DIAPH3: variants seen among roughly 807,000 people sequenced by gnomAD.
DIAPH3 encodes protein diaphanous homolog 3.
In DIAPH3, 117 loss-of-function variants were observed where a neutral mutation model predicts 144.3. That is an observed-to-expected ratio of 0.81 (90% CI 0.70 to 0.95). The LOEUF is 0.95. Ranked by LOEUF, DIAPH3 falls within the 40% of genes least tolerant of loss-of-function variation. The pLI is 0.00. For missense variants in DIAPH3, 1,421 were observed against 1,412.7 expected (o/e 1.01, Z -0.09); for synonymous variants, 519 against 488.9 (o/e 1.06, Z -0.81).
At chr13:59,811,377 GCTA>G (rs1367209049) in intron 24 of DIAPH3, among the ~76,000 whole-genome samples, 2 of 152,018 alleles carry the variant, frequency 1.3e-5, no homozygotes, top group Non-Finnish European at 1.5e-5. Context: ...TCTTGTAGTG[GCTA>G]CTTTTTATTA....
In DIAPH3 at chr13:60,139,877, T is replaced by C. The variant is rs2059388288; in HGVS notation, c.181-6888A>G. On this transcript the variant is annotated intron_variant, in intron 1 of 27. Coordinates refer to ENST00000400324, the MANE Select transcript of DIAPH3 (RefSeq NM_001042517.2). ...GCCTCTTCGTCTATTTCAGTTCTTT[T>C]CACCTATACTACCAGATGAAAAACT... Among the ~76,000 whole-genome samples, 3 of 152,356 alleles carry C rather than the reference T, an allele frequency of 2.0e-5. No homozygotes were observed. In the South Asian group the frequency reaches 6.2e-4, roughly 32 times the overall value.
At chr13:60,006,085 A>G (rs2052859040) in intron 9 of DIAPH3, among the ~76,000 whole-genome samples, 1 of 152,164 alleles carries the variant, frequency 6.6e-6, no homozygotes, top group Non-Finnish European at 1.5e-5. Context: ...TACTTAATTT[A>G]CCCCCTAAAT....
chr13:60,123,266 T>C (rs913982822), intron 2 of DIAPH3, among the ~76,000 whole-genome samples: 11 of 152,200 alleles, frequency 7.2e-5, no homozygotes, highest in Non-Finnish European at 1.2e-4. Flanking sequence ...ACTGATTGTC[T>C]ATACATCCAT....
chr13:59,801,133 C>G (rs972438120), intron 25 of DIAPH3, among the ~76,000 whole-genome samples: 2 of 152,166 alleles, frequency 1.3e-5, no homozygotes, highest in African/African-American at 4.8e-5. Context: ...TGCAATTCAG[C>G]ACTAATAGAA....
At chr13:59,686,276 A>C (rs550664465) in intron 27 of DIAPH3, among the ~76,000 whole-genome samples, 1 of 152,116 alleles carries the variant, frequency 6.6e-6, no homozygotes, top group African/African-American at 2.4e-5. Flanking sequence ...AGATAATATG[A>C]TTACAGGCTA....
At chr13:60,015,280 A>C (rs1261182270) in intron 7 of DIAPH3, among the ~76,000 whole-genome samples, 1 of 152,132 alleles carries the variant, frequency 6.6e-6, no homozygotes, top group Admixed American at 6.6e-5. Flanking sequence ...TATAGGTGAG[A>C]GCCACAAGCA....
At chr13:59,683,780 T>G (rs2033071101) in intron 27 of DIAPH3, among the ~76,000 whole-genome samples, 1 of 152,200 alleles carries the variant, frequency 6.6e-6, no homozygotes, top group African/African-American at 2.4e-5. Flanking sequence ...TTTACTTTCC[T>G]TGTTGTCAAT....
Position 60,049,581 on chromosome 13 carries a change from C to A in DIAPH3, c.496-6761G>T, listed in dbSNP as rs148120570. On this transcript the variant is annotated intron_variant, in intron 4 of 27. Transcript: ENST00000400324. Reference sequence around the variant, plus strand: ...GAGTGGCTTCCCACAAAAGGCCTCTCGTGAGCCACGCAATGGGTCCCTTCC... The same window carrying A: ...GAGTGGCTTCCCACAAAAGGCCTCTAGTGAGCCACGCAATGGGTCCCTTCC... Among the ~76,000 whole-genome samples, 417 of 152,314 alleles carry A rather than the reference C, an allele frequency of 2.7e-3. 3 individuals carry two copies. Among genetic ancestry groups the A allele is most frequent in the Middle Eastern group, 0.01 (3 of 294 alleles).
chr13:59,761,626 T>A (rs778421048), intron 27 of DIAPH3, among the ~76,000 whole-genome samples: 2 of 152,192 alleles, frequency 1.3e-5, no homozygotes, highest in Non-Finnish European at 2.9e-5. Flanking sequence ...ACATTTATTA[T>A]CCTGAGCTAG....
intron 24 of DIAPH3, among the ~76,000 whole-genome samples, chr13:59,822,841 G>C (rs1405465298): frequency 6.6e-6 from 1 of 152,068 alleles, no homozygotes; most frequent in African/African-American, 2.4e-5. Flanking sequence ...CTCTATGTGA[G>C]GGTGTATGAG....
chr13:60,082,676 T>G (rs1222163550), intron 4 of DIAPH3, among the ~76,000 whole-genome samples: 2 of 152,024 alleles, frequency 1.3e-5, no homozygotes, highest in African/African-American at 2.4e-5. Flanking sequence ...ATTACCAACA[T>G]GCAAAACTCA....
At position 59,892,532 on chromosome 13, in the gene DIAPH3, G is replaced by A. The variant is rs376056177; in HGVS notation, c.2368-13064C>T. 1.4e-4 allele frequency among the ~76,000 whole-genome samples: 22 copies of A among 151,816 alleles called. No homozygotes were observed. In the East Asian group the frequency reaches 1.9e-3, roughly 13 times the overall value. Reference sequence around the variant, plus strand: ...AATGATGTGAATAACACTGGAAATGGTATATAGGTAAGTAGATATAAAAGA... The same window carrying A: ...AATGATGTGAATAACACTGGAAATGATATATAGGTAAGTAGATATAAAAGA... On this transcript the variant is annotated intron_variant, in intron 20 of 27. Transcript: ENST00000400324.
intron 25 of DIAPH3, among the ~76,000 whole-genome samples, chr13:59,789,564 T>C (rs1287784005): frequency 2.0e-5 from 3 of 152,054 alleles, no homozygotes; most frequent in Non-Finnish European, 4.4e-5. Context: ...TAGAGAATAA[T>C]ATCGGTAATT....
At chr13:59,707,890 C>A (rs2034514718) in intron 27 of DIAPH3, among the ~76,000 whole-genome samples, 1 of 151,894 alleles carries the variant, frequency 6.6e-6, no homozygotes, top group African/African-American at 2.4e-5. Context: ...GGACAATGCT[C>A]CAACAATTTA....
rs180683587 is a variant in DIAPH3, at chr13:60,037,466, T to C, written c.626+5224A>G. The stretch of plus-strand genomic sequence containing the variant: ...ATTCTTTGGTTCAAGAGAAGAGATA[T>C]TGCTTACTTTTGTACCTTTGAAGTA... On this transcript the variant is annotated intron_variant, in intron 5 of 27. Coordinates refer to ENST00000400324, the MANE Select transcript of DIAPH3 (RefSeq NM_001042517.2). 3.3e-3 allele frequency among the ~76,000 whole-genome samples: 501 copies of C among 152,178 alleles called. 2 individuals are homozygous for C. The highest frequency in any genetic ancestry group is 0.011 in the African/African-American group (462 of 41,590).
In DIAPH3 at chr13:59,682,596, C is replaced by G. The variant is rs377429637; in HGVS notation, c.3320-15750G>C. On this transcript the variant is annotated intron_variant, in intron 27 of 27. Coordinates refer to ENST00000400324, the MANE Select transcript of DIAPH3 (RefSeq NM_001042517.2). ...GAAATAGTGCAGTTTCTTAAAATGCCTTTAAATTTTTTAGCTGTACTTATG... is the reference window on the plus strand; with the variant it reads ...GAAATAGTGCAGTTTCTTAAAATGCGTTTAAATTTTTTAGCTGTACTTATG... Among the ~76,000 whole-genome samples the G allele has an allele frequency of 2.5e-4, 38 of 152,242 alleles. 1 individual carries two copies. The East Asian group carries it at 7.3e-3, about 29-fold the overall frequency.
chr13:59,948,319 A>G (rs1341669755), intron 17 of DIAPH3, among the ~76,000 whole-genome samples: 3 of 152,204 alleles, frequency 2.0e-5, no homozygotes, highest in African/African-American at 7.2e-5. Flanking sequence ...TATTTCTAGA[A>G]GGTCTTTATT....
At chr13:59,843,450 T>C (rs2042452720) in intron 22 of DIAPH3, among the ~76,000 whole-genome samples, 1 of 152,200 alleles carries the variant, frequency 6.6e-6, no homozygotes, top group South Asian at 2.1e-4. Flanking sequence ...CTGTGACTTT[T>C]CCAATTCTGT....
intron 25 of DIAPH3, among the ~76,000 whole-genome samples, chr13:59,779,722 G>C (rs950171203): frequency 3.3e-5 from 5 of 152,044 alleles, no homozygotes; most frequent in Non-Finnish European, 7.4e-5. Context: ...ATGTTGGCCA[G>C]GCTGGTCTCG....
Sources: allele counts gnomAD v4.1 joint callset (sites outside exome capture counted in the v4.1 genomes callset), GRCh38; gene constraint gnomAD v4.1.1; transcripts MANE v1.5; gene names NCBI Gene and HGNC (gene_info 2026-07-23, HGNC 2026-07-21).